MRPS31: variants seen among roughly 807,000 people sequenced by gnomAD.
MRPS31 encodes the protein small ribosomal subunit protein mS31.
A neutral mutation model predicts 43.1 loss-of-function variants in MRPS31; 32 were observed. That is an observed-to-expected ratio of 0.74 (90% CI 0.56 to 1.00). The LOEUF (loss-of-function observed/expected upper bound fraction) is 1.00, where lower values mean the gene tolerates loss of function less well. MRPS31 is among the 50% of genes least tolerant of loss of function. MRPS31 has a pLI of 0.00. For missense variants in MRPS31, 437 were observed against 466.7 expected, an observed-to-expected ratio of 0.94 and a Z score of 0.59; for synonymous variants, 165 against 161.6, an observed-to-expected ratio of 1.02 and a Z score of -0.16.
At chr13:40,745,527 C>T (rs1411775454) in intron 6 of MRPS31, among the ~76,000 whole-genome samples, 2 of 152,198 alleles carry the variant, frequency 1.3e-5, no homozygotes, top group African/African-American at 4.8e-5. Flanking sequence ...TCTGGGATTA[C>T]AGGTGTGAGC....
chr13:40,769,587 A>T (rs1880951105), intron 1 of MRPS31, among the ~76,000 whole-genome samples: 1 of 151,736 alleles, frequency 6.6e-6, no homozygotes, highest in South Asian at 2.1e-4. Flanking sequence ...CCAACTGCAT[A>T]ACTAGTATCC....
At chr13:40,748,269 T>G (rs1880294960) in intron 6 of MRPS31, among the ~76,000 whole-genome samples, 2 of 152,330 alleles carry the variant, frequency 1.3e-5, no homozygotes, top group African/African-American at 4.8e-5. Context: ...ACGATTCTCC[T>G]GCCTCAACCT....
At chr13:40,756,699 C>T (rs1434547413) in intron 4 of MRPS31, among the ~76,000 whole-genome samples, 174 bp downstream of exon 4, 1 of 152,202 alleles carries the variant, frequency 6.6e-6, no homozygotes, top group Admixed American at 6.5e-5. Context: ...AAATCCAGCA[C>T]ATGGTTCCCT....
rs201140021 is a variant in MRPS31, at chr13:40,729,459, T to C, written c.1101A>G (p.Lys367=). 1.2e-6 allele frequency: 2 copies of C among 1,609,542 alleles called. No homozygotes were observed. Among genetic ancestry groups the C allele is most frequent in the Non-Finnish European group, 1.7e-6 (2 of 1,175,914 alleles). ...GLSKNPYLSV[K]QKVEHIEWFR... ...ACCACTCTATGTGTTCAACCTTCTG[T>C]TTAACACTAAGATATGGGTTTTTGG... is the stretch of plus-strand genomic sequence containing the variant. The change falls in exon 7 of 7, where the codon AAA becomes AAG. Residue 367 remains lysine, a synonymous_variant. Coordinates refer to ENST00000323563, the MANE Select transcript of MRPS31 (RefSeq NM_005830.4).
rs117287058 is a variant in MRPS31, at chr13:40,770,036, T to C, written c.152+949A>G. 7.8e-3 allele frequency among the ~76,000 whole-genome samples: 1,193 copies of C among 152,326 alleles called. 7 individuals carry two copies. The highest frequency in any genetic ancestry group is 0.011 in the Non-Finnish European group (773 of 68,038). On this transcript the variant is annotated intron_variant, in intron 1 of 6. Coordinates refer to ENST00000323563, the MANE Select transcript of MRPS31 (RefSeq NM_005830.4). Reference sequence around the variant, plus strand: ...ATTTGTTGTTTTCTAAAAATTATAATATATGGAAAAATCTTTCTCAAGCCT... The same window carrying C: ...ATTTGTTGTTTTCTAAAAATTATAACATATGGAAAAATCTTTCTCAAGCCT...
At chr13:40,749,634 T>TA in intron 5 of MRPS31, 1 of 157,034 alleles carries the variant, frequency 6.4e-6, no homozygotes, top group Non-Finnish European at 1.4e-5. Context: ...TCTTTATTTT[T>TA]AGTCTATCGA....
intron 5 of MRPS31, among the ~76,000 whole-genome samples, chr13:40,751,654 T>C (rs1880394045): frequency 6.6e-6 from 1 of 152,244 alleles, no homozygotes; most frequent in Non-Finnish European, 1.5e-5. Flanking sequence ...GAATGCCAAC[T>C]GTATTTCCAG....
intron 5 of MRPS31, among the ~76,000 whole-genome samples, chr13:40,750,534 A>G (rs1880356892): frequency 6.6e-6 from 1 of 152,032 alleles, no homozygotes; most frequent in East Asian, 1.9e-4. Context: ...CACACAAATT[A>G]CAACTTAATA....
chr13:40,750,007 C>T (rs2138005645), intron 5 of MRPS31, among the ~76,000 whole-genome samples: 1 of 152,218 alleles, frequency 6.6e-6, no homozygotes, highest in South Asian at 2.1e-4. Context: ...GTCGTTTCAT[C>T]CCTGGATATA....
chr13:40,766,139 G>A (rs1369634309), intron 2 of MRPS31, among the ~76,000 whole-genome samples: 4 of 152,094 alleles, frequency 2.6e-5, no homozygotes, highest in African/African-American at 9.7e-5. Flanking sequence ...GCTTAAAGAG[G>A]CAATTACATG....
At chr13:40,753,956 T>A in intron 5 of MRPS31, 63 bp downstream of exon 5, 1 of 1,044,092 alleles carries the variant, frequency 9.6e-7, no homozygotes, top group Non-Finnish European at 1.5e-6. Context: ...ATTAGAACAC[T>A]AAGGACATCC....
At chr13:40,747,605 C>T (rs1412530022) in intron 6 of MRPS31, among the ~76,000 whole-genome samples, 3 of 152,092 alleles carry the variant, frequency 2.0e-5, no homozygotes, top group South Asian at 2.1e-4. Flanking sequence ...AGGCCAGGTG[C>T]GGTGGCTCAA....
chr13:40,729,156 T>C lies in MRPS31; in HGVS notation c.*216A>G. 2 of 371,030 alleles carry C rather than the reference T, an allele frequency of 5.4e-6. No homozygotes were observed. The highest frequency in any genetic ancestry group is 9.7e-6 in the Non-Finnish European group (2 of 206,138). 23.0% of individuals were successfully genotyped at this position (371,030 alleles called of 1,614,324 possible). ...GGAGTTGTTGTCTTAAATGTATTAC[T>C]AATTCCCAGATATTCTTTTGAACCT... On this transcript the variant is annotated 3_prime_UTR_variant, in exon 7 of 7. Coordinates refer to ENST00000323563, the MANE Select transcript of MRPS31 (RefSeq NM_005830.4).
intron 6 of MRPS31, among the ~76,000 whole-genome samples, chr13:40,732,517 T>C (rs1294860087): frequency 6.6e-6 from 1 of 152,156 alleles, no homozygotes; most frequent in Non-Finnish European, 1.5e-5. Flanking sequence ...GAGGATAGCT[T>C]GAAGCCAGGA....
In MRPS31 at chr13:40,771,164, A is replaced by T. The variant is rs1566114040; in HGVS notation, c.-28T>A. On this transcript the variant is annotated 5_prime_UTR_variant, in exon 1 of 7. Coordinates refer to ENST00000323563, the MANE Select transcript of MRPS31 (RefSeq NM_005830.4). ...CCGAGACACGAAATGAACCAAGAAC[A>T]CAACTGAAATGGTGCGTCCCGCTGC... 1 of 1,570,786 alleles carries T rather than the reference A, an allele frequency of 6.4e-7. No homozygotes were observed. Among genetic ancestry groups the T allele is most frequent in the East Asian group, 2.3e-5 (1 of 43,712 alleles).
At chr13:40,756,347 T>C (rs1403851678) in intron 4 of MRPS31, among the ~76,000 whole-genome samples, 1 of 152,220 alleles carries the variant, frequency 6.6e-6, no homozygotes, top group Non-Finnish European at 1.5e-5. Flanking sequence ...TCAGCATCTT[T>C]AAGAACTTCA....
At position 40,770,986 on chromosome 13, in the gene MRPS31, G is replaced by A. The variant is rs371649042; in HGVS notation, c.151C>T (p.Arg51Trp). 1.9e-6 allele frequency: 3 copies of A among 1,614,052 alleles called. No individual in the cohort carries two copies. The highest frequency in any genetic ancestry group is 1.3e-5 in the African/African-American group (1 of 75,010). ...GCACGGGGTTGCCTGAGGACCTACC[G>A]GGCCAACAGCGCTGAACTGCGGTAC... is the stretch of plus-strand genomic sequence containing the variant. ...VRYRSSALLA[R>W]TKNNIQRYFG... The change falls in exon 1 of 7, where the codon CGG (arginine) becomes TGG (tryptophan). Residue 51 changes from arginine to tryptophan, a missense_variant and splice_region_variant. Physicochemically the swap from Arg to Trp is moderately radical, Grantham distance 101. Coordinates refer to ENST00000323563, the MANE Select transcript of MRPS31 (RefSeq NM_005830.4).
chr13:40,740,716 C>G (rs890096095), intron 6 of MRPS31, among the ~76,000 whole-genome samples: 3 of 141,194 alleles, frequency 2.1e-5, no homozygotes, highest in Non-Finnish European at 4.5e-5. Context: ...TATTCTCACT[C>G]ATAGGTGGGA....
chr13:40,761,963 T>G (rs1025248718), intron 2 of MRPS31, among the ~76,000 whole-genome samples: 1 of 150,592 alleles, frequency 6.6e-6, no homozygotes, highest in Non-Finnish European at 1.5e-5. Flanking sequence ...AATAAACAGC[T>G]GGGCATGGTG....
Sources: allele counts gnomAD v4.1 joint callset (sites outside exome capture counted in the v4.1 genomes callset), GRCh38; gene constraint gnomAD v4.1.1; transcripts MANE v1.5; gene names NCBI Gene and HGNC (gene_info 2026-07-23, HGNC 2026-07-21).